Variants in RBM20 observed in about 807,000 individuals in gnomAD.
RBM20 encodes RNA-binding protein 20.
A neutral mutation model predicts 110.1 loss-of-function variants in RBM20; 51 were observed. The ratio of observed to expected loss-of-function variants is 0.46; its 90% CI spans 0.37 to 0.59. The LOEUF is 0.59. Ranked by LOEUF, RBM20 falls within the 20% of genes least tolerant of loss-of-function variation. The pLI is 0.00. For missense variants in RBM20, 1,512 were observed against 1,574.9 expected (o/e 0.96, Z 0.68); for synonymous variants, 589 against 618.2 (o/e 0.95, Z 0.70).
intron 1 of RBM20, among the ~76,000 whole-genome samples, chr10:110,714,496 C>A (rs17829478): frequency 0.13 from 19,943 of 152,132 alleles, 1,374 homozygotes; most frequent in African/African-American, 0.17. Flanking sequence ...AGCTTCCAAC[C>A]CAAGGTACTC....
chr10:110,742,246 C>T (rs1843733253), intron 1 of RBM20, among the ~76,000 whole-genome samples: 1 of 152,252 alleles, frequency 6.6e-6, no homozygotes, highest in Non-Finnish European at 1.5e-5. Context: ...GAGCCTTCTG[C>T]ACTACTGCCC....
At chr10:110,723,038 G>C (rs1843525731) in intron 1 of RBM20, among the ~76,000 whole-genome samples, 1 of 151,606 alleles carries the variant, frequency 6.6e-6, no homozygotes, top group South Asian at 2.1e-4. Context: ...CTTGAACCCA[G>C]GAGGCAGAGG....
chr10:110,836,003 T>A lies in RBM20; in HGVS notation c.*25T>A. ...ATGCTTCTGCTTCTGCTGCTACTGC[T>A]GCTGCTGCAAGGTTGGAAAGGAGAG... On this transcript the variant is annotated 3_prime_UTR_variant, in exon 14 of 14. Transcript: ENST00000369519. 1 of 904,100 alleles carries A rather than the reference T, an allele frequency of 1.1e-6. No individual in the cohort carries two copies. The highest frequency in any genetic ancestry group is 1.6e-5 in the South Asian group (1 of 63,420). The allele number at this position is 904,100 out of a possible 1,614,324, so 56.0% of individuals were successfully genotyped here.
intron 7 of RBM20, among the ~76,000 whole-genome samples, chr10:110,802,383 C>CTTTTT (rs200758964): frequency 0.024 from 3,295 of 135,100 alleles, 73 homozygotes; most frequent in South Asian, 0.091. Context: ...CAGAACCTGG[C>CTTTTT]TTTTTTTTTT....
intron 1 of RBM20, among the ~76,000 whole-genome samples, chr10:110,668,031 G>A (rs531363338): frequency 1.1e-3 from 164 of 152,136 alleles, no homozygotes; most frequent in Non-Finnish European, 1.9e-3. Flanking sequence ...AGATCACTGC[G>A]CTCAGGAAAA....
intron 1 of RBM20, among the ~76,000 whole-genome samples, chr10:110,679,040 A>T (rs573418198): frequency 3.1e-4 from 47 of 152,300 alleles, no homozygotes; most frequent in Non-Finnish European, 5.1e-4. Flanking sequence ...CTGGGCAGGA[A>T]ACTTGGCCTC....
intron 1 of RBM20, among the ~76,000 whole-genome samples, chr10:110,758,832 G>C (rs769379746): frequency 1.3e-5 from 2 of 152,274 alleles, no homozygotes; most frequent in African/African-American, 4.8e-5. Flanking sequence ...GTTTCAGGTA[G>C]GGAGGGCAGC....
chr10:110,684,549 G>C (rs941842741), intron 1 of RBM20, among the ~76,000 whole-genome samples: 2 of 152,118 alleles, frequency 1.3e-5, no homozygotes, highest in Non-Finnish European at 2.9e-5. Context: ...GATTTGTCTT[G>C]GTACAGAATT....
At chr10:110,644,228 A>G (rs1368372619), upstream of RBM20, among the ~76,000 whole-genome samples, 1 of 151,872 alleles carries the variant, frequency 6.6e-6, no homozygotes, top group African/African-American at 2.4e-5. The surrounding 1 kb of genome is among the most constrained non-coding windows in gnomAD (Gnocchi z 4.3). Context: ...CGGTCGGGAG[A>G]CGCCCCCTGG....
intron 10 of RBM20, among the ~76,000 whole-genome samples, chr10:110,821,015 C>G (rs1844901640): frequency 6.6e-6 from 1 of 152,160 alleles, no homozygotes; most frequent in South Asian, 2.1e-4. Context: ...ATTGAGCACC[C>G]ATTATCTACT....
In RBM20 at chr10:110,821,742, T is replaced by C. The variant is rs2135122095; in HGVS notation, c.3123T>C (p.Pro1041=). 1.3e-6 allele frequency: 2 copies of C among 1,551,744 alleles called. No homozygotes were observed. Among genetic ancestry groups the C allele is most frequent in the Non-Finnish European group, 8.7e-7 (1 of 1,146,996 alleles). ...GVESSDVHPA[P]TVQQMSSPKP... is the part of the protein sequence containing the mutation. ...AGAGCTCAGATGTTCATCCAGCCCCTACAGTCCAGCAAATGTCTTCCCCTA... is the reference window on the plus strand; with the variant it reads ...AGAGCTCAGATGTTCATCCAGCCCCCACAGTCCAGCAAATGTCTTCCCCTA... Residue 1041 remains proline (P), a synonymous_variant, in exon 11 of 14, where the codon CCT becomes CCC. Transcript: ENST00000369519.
chr10:110,659,848 T>C (rs1020610944), intron 1 of RBM20, among the ~76,000 whole-genome samples: 3 of 151,256 alleles, frequency 2.0e-5, no homozygotes, highest in Admixed American at 6.6e-5. Context: ...CTTCTTCTTC[T>C]TCCTCTTCTT....
intron 9 of RBM20, among the ~76,000 whole-genome samples, chr10:110,818,312 A>AAAC (rs1430917134): frequency 2.7e-5 from 4 of 146,236 alleles, no homozygotes; most frequent in Admixed American, 6.8e-5. Flanking sequence ...AAAAAACCAA[A>AAAC]ACGACAATAT....
intron 1 of RBM20, among the ~76,000 whole-genome samples, chr10:110,673,187 C>G (rs1178090432): frequency 6.6e-6 from 1 of 151,938 alleles, no homozygotes; most frequent in Non-Finnish European, 1.5e-5. Flanking sequence ...TCCTGAATGG[C>G]TTTTCTTTCT....
Position 110,767,475 on chromosome 10 carries a change from G to T in RBM20, c.192-13326G>T, listed in dbSNP as rs1261019156. ...GACGGGGTGGCTGCCGGGCGGAGGG[G>T]CTCCTCACTTCTCAGACGGGGCGGC... On this transcript the variant is annotated intron_variant, in intron 1 of 13. Transcript: ENST00000369519. Among the ~76,000 whole-genome samples, 746 of 147,976 alleles carry T rather than the reference G, an allele frequency of 5.0e-3. 5 individuals carry two copies. The highest frequency in any genetic ancestry group is 0.018 in the African/African-American group (720 of 39,884).
At chr10:110,716,201 A>G (rs1863014330) in intron 1 of RBM20, among the ~76,000 whole-genome samples, 1 of 152,206 alleles carries the variant, frequency 6.6e-6, no homozygotes, top group African/African-American at 2.4e-5. Flanking sequence ...AGGAGGTAGA[A>G]TGGTAGGTGC....
At chr10:110,736,358 A>G (rs1265418292) in intron 1 of RBM20, among the ~76,000 whole-genome samples, 1 of 150,058 alleles carries the variant, frequency 6.7e-6, no homozygotes, top group African/African-American at 2.5e-5. Flanking sequence ...GTCACACACT[A>G]TCTGTGCGTG....
At chr10:110,827,499 T>C (rs1844997395) in intron 12 of RBM20, among the ~76,000 whole-genome samples, 1 of 152,216 alleles carries the variant, frequency 6.6e-6, no homozygotes, top group Admixed American at 6.5e-5. Context: ...AAAGGCTACA[T>C]TTGTGCAGAA....
At chr10:110,698,809 T>C (rs4918564) in intron 1 of RBM20, among the ~76,000 whole-genome samples, 142,710 of 152,278 alleles carry the variant, frequency 0.94, 67,584 homozygotes, top group East Asian at 1. Context: ...TGAAAAGTAC[T>C]TCAGATGCTG....
Sources: gnomAD v4.1 joint callset for allele counts (sites outside exome capture counted in the v4.1 genomes callset) on GRCh38, gnomAD v4.1.1 for gene constraint, Gnocchi (gnomAD v3.1) non-coding constraint, MANE v1.5 for transcripts, NCBI Gene and HGNC (gene_info 2026-07-23, HGNC 2026-07-21) for gene names.